The following TRIM28 variants were observed in gnomAD, a reference collection of about 807,000 sequenced individuals.
TRIM28 encodes the protein tripartite motif containing 28, also known as transcription intermediary factor 1-beta.
TRIM28 carries 8 observed loss-of-function variants against 87.4 expected under a neutral mutation model. That is an observed-to-expected ratio of 0.09 (90% CI 0.05 to 0.17). The LOEUF (loss-of-function observed/expected upper bound fraction) is 0.17, where lower values mean the gene tolerates loss of function less well. TRIM28 is among the 10% of genes least tolerant of loss of function. The pLI is 1.00. For synonymous variants in TRIM28, 601 were observed against 454.3 expected, an observed-to-expected ratio of 1.32 and a Z score of -4.11; for missense variants, 968 against 1,131.8, an observed-to-expected ratio of 0.86 and a Z score of 2.08.
In TRIM28 at chr19:58,549,677, G is replaced by A. The variant is rs371788879; in HGVS notation, c.1982+27G>A. 95 of 1,604,262 alleles carry A rather than the reference G, an allele frequency of 5.9e-5. No homozygotes were observed. Among genetic ancestry groups the A allele is most frequent in the Non-Finnish European group, 7.9e-5 (93 of 1,172,852 alleles). On this transcript the variant is annotated intron_variant, in intron 13 of 16. Coordinates refer to ENST00000253024, the MANE Select transcript of TRIM28 (RefSeq NM_005762.3). The surrounding 1 kb of genome is among the most constrained non-coding windows in gnomAD (Gnocchi z 4.4). ...TGAGTGTGAGGCTGGTGGGGGTCAA[G>A]TCTGGGTGTTGGGCTGTCTGGACAG...
rs1484946349 is a variant in TRIM28, at chr19:58,550,237, G to A, written c.2284G>A (p.Ala762Thr). Residue 762 changes from alanine (A) to threonine (T), a missense_variant, in exon 16 of 17, where the codon GCC (alanine) becomes ACC (threonine). Ala to Thr is a moderately conservative substitution (Grantham distance 58). Around this residue, in one of 11 missense-constraint regions of TRIM28, gnomAD observed 192 missense variants for 225.6 expected, o/e 0.85. Coordinates refer to ENST00000253024, the MANE Select transcript of TRIM28 (RefSeq NM_005762.3). ...SPPYSSPQEFAQDVGRMFKQF... is the reference protein window; with the variant it reads ...SPPYSSPQEFTQDVGRMFKQF... ...TCCCTACAGCTCCCCACAGGAGTTTGCCCAGGATGTGGGCCGCATGTTCAA... is the reference window on the plus strand; with the variant it reads ...TCCCTACAGCTCCCCACAGGAGTTTACCCAGGATGTGGGCCGCATGTTCAA... The A allele has an allele frequency of 2.5e-6, 4 of 1,613,994 alleles. No homozygotes were observed. The highest frequency in any genetic ancestry group is 3.4e-6 in the Non-Finnish European group (4 of 1,180,018).
chr19:58,545,363 TGGTG>T, intron 1 of TRIM28, 58 bp from the exon 2 acceptor site: 1 of 1,334,848 alleles, frequency 7.5e-7, no homozygotes, highest in East Asian at 2.3e-5. Flanking sequence ...AGCAGGGGAA[TGGTG>T]GGGGCCATAA....
chr19:58,549,316 A>T lies in TRIM28; in HGVS notation c.1663-15A>T. On this transcript the variant is annotated splice_polypyrimidine_tract_variant and intron_variant, in intron 12 of 16. Transcript: ENST00000253024. The surrounding 1 kb of genome is among the most constrained non-coding windows in gnomAD (Gnocchi z 4.4). Reference sequence around the variant, plus strand: ...GTCTGGACCCTGTTGAACACCCCTCATCACCACCTTGCAGGAGGAGGAGAC... The same window carrying T: ...GTCTGGACCCTGTTGAACACCCCTCTTCACCACCTTGCAGGAGGAGGAGAC... 6.4e-7 allele frequency: 1 copy of T among 1,570,182 alleles called. No individual in the cohort carries two copies. Among genetic ancestry groups the T allele is most frequent in the Non-Finnish European group, 8.7e-7 (1 of 1,154,906 alleles).
rs753923341 is a variant in TRIM28, at chr19:58,550,492, G to A, written c.2447G>A (p.Ser816Asn). ...GTGCTGGTGGAGCCCCCGCCGATGA[G>A]CCTGCCTGGTGCTGGCCTGAGTTCC... Reference protein sequence around the residue: ...SAVLVEPPPMSLPGAGLSSQE... With the variant: ...SAVLVEPPPMNLPGAGLSSQE... Residue 816 changes from serine (S) to asparagine (N), a missense_variant, in exon 17 of 17, where the codon AGC (serine) becomes AAC (asparagine). Ser to Asn is a conservative substitution (Grantham distance 46). Coordinates refer to ENST00000253024, the MANE Select transcript of TRIM28 (RefSeq NM_005762.3). 2 of 1,612,954 alleles carry A rather than the reference G, an allele frequency of 1.2e-6. No homozygotes were observed. Among genetic ancestry groups the A allele is most frequent in the African/African-American group, 2.7e-5 (2 of 74,994 alleles).
Position 58,549,813 on chromosome 19 carries a change from G to C in TRIM28, c.2059G>C (p.Ala687Pro), listed in dbSNP as rs776794359. Reference sequence around the variant, plus strand: ...GGATGGCAGCCTCAGCCTGGATGGTGCAGACAGCACTGGCGTGGTGGCCAA... The same window carrying C: ...GGATGGCAGCCTCAGCCTGGATGGTCCAGACAGCACTGGCGTGGTGGCCAA... ...EEDGSLSLDG[A>P]DSTGVVAKLS... is the part of the protein sequence containing the mutation. The change falls in exon 14 of 17, where the codon GCA becomes CCA. Residue 687 changes from alanine (A) to proline (P), a missense_variant. Physicochemically the swap from Ala to Pro is conservative, Grantham distance 27 (BLOSUM62 -1). This residue lies in a region of TRIM28 where 192 missense variants were observed against 225.6 expected (regional missense o/e 0.85). Transcript: ENST00000253024. The surrounding 1 kb of genome is among the most constrained non-coding windows in gnomAD (Gnocchi z 4.4). 2 of 1,613,034 alleles carry C rather than the reference G, an allele frequency of 1.2e-6. No homozygotes were observed. The highest frequency in any genetic ancestry group is 4.5e-5 in the East Asian group (2 of 44,844).
Position 58,550,367 on chromosome 19 carries a change from C to T in TRIM28, c.2332-10C>T, listed in dbSNP as rs370024916. The T allele has an allele frequency of 1.2e-6, 2 of 1,613,132 alleles. No homozygotes were observed. The highest frequency in any genetic ancestry group is 2.7e-5 in the African/African-American group (2 of 74,900). On this transcript the variant is annotated splice_polypyrimidine_tract_variant and intron_variant, in intron 16 of 16. Coordinates refer to ENST00000253024, the MANE Select transcript of TRIM28 (RefSeq NM_005762.3). ...GACCCATTCATCCACTGCATTCCTG[C>T]TTGGCCCAGGACAAGGCAGACGTGC...
Position 58,550,473 on chromosome 19 carries a change from G to C in TRIM28, c.2428G>C (p.Val810Leu). ...TGACACCAAGTTCTCTGCTGTGCTG[G>C]TGGAGCCCCCGCCGATGAGCCTGCC... ...FGDTKFSAVL[V>L]EPPPMSLPGA... The change falls in exon 17 of 17, where the codon GTG (valine) becomes CTG (leucine). Residue 810 changes from valine to leucine, a missense_variant. Val to Leu is a conservative substitution (Grantham distance 32). Coordinates refer to ENST00000253024, the MANE Select transcript of TRIM28 (RefSeq NM_005762.3). 1 of 1,610,968 alleles carries C rather than the reference G, an allele frequency of 6.2e-7. No homozygotes were observed. The highest frequency in any genetic ancestry group is 1.1e-5 in the South Asian group (1 of 91,074).
Position 58,547,594 on chromosome 19 carries a change from C to G in TRIM28, c.723-3C>G, listed in dbSNP as rs768831544. The G allele has an allele frequency of 6.2e-7, 1 of 1,613,874 alleles. No individual in the cohort carries two copies. The highest frequency in any genetic ancestry group is 8.5e-7 in the Non-Finnish European group (1 of 1,179,974). On this transcript the variant is annotated splice_polypyrimidine_tract_variant and splice_region_variant and intron_variant, in intron 4 of 16. Transcript: ENST00000253024. ...GCTCAGGAACACATCTGTCTGCTCT[C>G]AGGTACCAGTTCTTAGAGGATGCAG... is the stretch of plus-strand genomic sequence containing the variant.
In TRIM28 at chr19:58,550,697, A is replaced by G; in HGVS notation, c.*144A>G. 1.1e-6 allele frequency: 1 copy of G among 886,650 alleles called. No individual in the cohort carries two copies. The highest frequency in any genetic ancestry group is 1.7e-6 in the Non-Finnish European group (1 of 599,502). 54.9% of individuals were successfully genotyped at this position (886,650 alleles called of 1,614,324 possible). ...ATATGGTTTTTACTTCTGTGGATTTAATAAAAACTTCACCAGTTCCTCAGG... is the reference window on the plus strand; with the variant it reads ...ATATGGTTTTTACTTCTGTGGATTTGATAAAAACTTCACCAGTTCCTCAGG... On this transcript the variant is annotated 3_prime_UTR_variant, in exon 17 of 17. Coordinates refer to ENST00000253024, the MANE Select transcript of TRIM28 (RefSeq NM_005762.3).
At position 58,545,337 on chromosome 19, in the gene TRIM28, G is replaced by T. The variant is rs969970595; in HGVS notation, c.341-88G>T. Reference sequence around the variant, plus strand: ...AGGGGCTGGTTCGCTGCGGGATAATGGTCGGGGGCCCACCCAGCAGGGGAA... The same window carrying T: ...AGGGGCTGGTTCGCTGCGGGATAATTGTCGGGGGCCCACCCAGCAGGGGAA... On this transcript the variant is annotated intron_variant, in intron 1 of 16. Transcript: ENST00000253024. 5 of 1,131,850 alleles carry T rather than the reference G, an allele frequency of 4.4e-6. No homozygotes were observed. The East Asian group carries it at 1.2e-4, about 27-fold the overall frequency. 70.1% of individuals were successfully genotyped at this position (1,131,850 alleles called of 1,614,324 possible).
chr19:58,550,646 G>T lies in TRIM28; in HGVS notation c.*93G>T. 7.6e-7 allele frequency: 1 copy of T among 1,308,074 alleles called. No homozygotes were observed. Among genetic ancestry groups the T allele is most frequent in the Non-Finnish European group, 1.0e-6 (1 of 962,450 alleles). 81.0% of individuals were successfully genotyped at this position (1,308,074 alleles called of 1,614,324 possible). A position where few individuals can be genotyped will look rare whatever the true frequency, so the allele number is the denominator to read the frequency against. On this transcript the variant is annotated 3_prime_UTR_variant, in exon 17 of 17. Transcript: ENST00000253024. ...CTGGTGGCCTGACTCCCACTCCCTGGTGGCCCCATCCCCCAGTTCCTCACG... is the reference window on the plus strand; with the variant it reads ...CTGGTGGCCTGACTCCCACTCCCTGTTGGCCCCATCCCCCAGTTCCTCACG...
rs1267110989 is a variant in TRIM28, at chr19:58,548,257, G to A, written c.1102-37G>A. 10 of 1,613,766 alleles carry A rather than the reference G, an allele frequency of 6.2e-6. No individual in the cohort carries two copies. The Admixed American group carries it at 6.7e-5, about 11-fold the overall frequency. On this transcript the variant is annotated intron_variant, in intron 7 of 16. Transcript: ENST00000253024. ...TACCTCAAATCCCTATTTGTTGTTGGTGTGCTCATTCTTTCCTCCCTTTCA... is the reference window on the plus strand; with the variant it reads ...TACCTCAAATCCCTATTTGTTGTTGATGTGCTCATTCTTTCCTCCCTTTCA...
rs375254548 is a variant in TRIM28 at position 58,545,412 on chromosome 19, C to G, written c.341-13C>G. The G allele has an allele frequency of 1.3e-5, 21 of 1,598,110 alleles. No homozygotes were observed. In the African/African-American group the frequency reaches 1.5e-4, roughly 11 times the overall value. ...GAACTTGTAACAGTCTCCCACATCC[C>G]TGCTTCTCGAAGTGGTGGACTGTCC... On this transcript the variant is annotated splice_polypyrimidine_tract_variant and intron_variant, in intron 1 of 16. Transcript: ENST00000253024.
intron 15 of TRIM28, 31 bp from the exon 16 acceptor site, chr19:58,550,106 ATGTGTGTCTT>A (rs1159254794): frequency 6.2e-7 from 1 of 1,613,138 alleles, no homozygotes; most frequent in African/African-American, 1.3e-5. Context: ...GTGCATGTAT[ATGTGTGTCTT>A]TGTGTGTGTA....
At position 58,544,683 on chromosome 19, in the gene TRIM28, C is replaced by A; in HGVS notation, c.-75C>A. Reference sequence around the variant, plus strand: ...GCGGCGGCAGCGGCCCAGCAGTTGGCGGCGAGCGCGTCTGCGCCTGCGCGG... The same window carrying A: ...GCGGCGGCAGCGGCCCAGCAGTTGGAGGCGAGCGCGTCTGCGCCTGCGCGG... On this transcript the variant is annotated 5_prime_UTR_variant, in exon 1 of 17. Coordinates refer to ENST00000253024, the MANE Select transcript of TRIM28 (RefSeq NM_005762.3). 3 of 640,652 alleles carry A rather than the reference C, an allele frequency of 4.7e-6. No homozygotes were observed. The highest frequency in any genetic ancestry group is 5.8e-6 in the Non-Finnish European group (3 of 516,154). 39.7% of individuals were successfully genotyped at this position (640,652 alleles called of 1,614,324 possible). A position where few individuals can be genotyped will look rare whatever the true frequency, so the allele number is the denominator to read the frequency against.
In TRIM28 at chr19:58,545,553, G is replaced by A. The variant is rs765784573; in HGVS notation, c.453+16G>A. On this transcript the variant is annotated intron_variant, in intron 2 of 16. Transcript: ENST00000253024. Reference sequence around the variant, plus strand: ...TGCGAACCAGGTGCGTCCTATCTCAGCAACCACAAGGAGGTTTCTGGGGAG... The same window carrying A: ...TGCGAACCAGGTGCGTCCTATCTCAACAACCACAAGGAGGTTTCTGGGGAG... 20 of 1,596,298 alleles carry A rather than the reference G, an allele frequency of 1.3e-5. No individual in the cohort carries two copies. The African/African-American group carries it at 2.4e-4, about 19-fold the overall frequency.
At position 58,548,021 on chromosome 19, in the gene TRIM28, C is replaced by T. The variant is rs1568661122; in HGVS notation, c.955-13C>T. On this transcript the variant is annotated splice_polypyrimidine_tract_variant and intron_variant, in intron 6 of 16. Transcript: ENST00000253024. ...TGCCTTCTCTGCTTACCTCATACACCTTCTATCTGCAGAAGGTGACTGAGG... is the reference window on the plus strand; with the variant it reads ...TGCCTTCTCTGCTTACCTCATACACTTTCTATCTGCAGAAGGTGACTGAGG... 1.2e-6 allele frequency: 2 copies of T among 1,614,068 alleles called. No individual in the cohort carries two copies. Among genetic ancestry groups the T allele is most frequent in the South Asian group, 1.1e-5 (1 of 91,078 alleles).
rs1206671587 is a variant in TRIM28 at position 58,548,046 on chromosome 19, G to C, written c.967G>C (p.Gly323Arg). ...CTTCTATCTGCAGAAGGTGACTGAGGGGCAGCAGGAGCGCCTGGAGCGGCA... is the reference window on the plus strand; with the variant it reads ...CTTCTATCTGCAGAAGGTGACTGAGCGGCAGCAGGAGCGCCTGGAGCGGCA... ...LVNDAQKVTE[G>R]QQERLERQHW... Residue 323 changes from glycine to arginine, a missense_variant, in exon 7 of 17, where the codon GGG (glycine) becomes CGG (arginine). Gly to Arg is a moderately radical substitution (Grantham distance 125). Coordinates refer to ENST00000253024, the MANE Select transcript of TRIM28 (RefSeq NM_005762.3). The C allele has an allele frequency of 6.2e-7, 1 of 1,613,990 alleles. No individual in the cohort carries two copies. The highest frequency in any genetic ancestry group is 8.5e-7 in the Non-Finnish European group (1 of 1,180,014).
chr19:58,546,431 A>C (rs1390703461), intron 3 of TRIM28, among the ~76,000 whole-genome samples: 3 of 152,122 alleles, frequency 2.0e-5, no homozygotes, highest in Non-Finnish European at 4.4e-5. Flanking sequence ...GGAGCTTGAG[A>C]GTCTTTTGAG....
Sources: allele counts gnomAD v4.1 joint callset (sites outside exome capture counted in the v4.1 genomes callset), GRCh38; gene constraint gnomAD v4.1.1; regional missense constraint gnomAD v4.1.1; non-coding constraint Gnocchi (gnomAD v3.1); transcripts MANE v1.5; gene names NCBI Gene and HGNC (gene_info 2026-07-23, HGNC 2026-07-21).